GRID2: variants seen among roughly 807,000 people sequenced by gnomAD.
GRID2 encodes glutamate ionotropic receptor delta type subunit 2.
A neutral mutation model predicts 114.8 loss-of-function variants in GRID2; 33 were observed. The observed-to-expected ratio is 0.29, with a 90% confidence interval of 0.22 to 0.38. The LOEUF is 0.38. Ranked by LOEUF, GRID2 falls within the 10% of genes least tolerant of loss-of-function variation. GRID2 has a pLI of 1.00. For missense variants in GRID2, 1,184 were observed against 1,257.7 expected (o/e 0.94, Z 0.89); for synonymous variants, 505 against 449.9 (o/e 1.12, Z -1.55).
chr4:92,524,291 C>A (rs1724928591), intron 1 of GRID2, among the ~76,000 whole-genome samples: 1 of 151,652 alleles, frequency 6.6e-6, no homozygotes, highest in Non-Finnish European at 1.5e-5. Context: ...ATGACTTTAA[C>A]AAACACTGCT....
At chr4:93,452,667 A>G (rs937032158) in intron 10 of GRID2, among the ~76,000 whole-genome samples, 2 of 152,108 alleles carry the variant, frequency 1.3e-5, no homozygotes, top group Admixed American at 1.3e-4. Context: ...GAACACAGAA[A>G]TAAGTATGAT....
intron 2 of GRID2, among the ~76,000 whole-genome samples, chr4:92,934,665 G>A (rs1208384621): frequency 6.8e-6 from 1 of 146,596 alleles, no homozygotes; most frequent in East Asian, 2.2e-4. Flanking sequence ...AACCAAAACA[G>A]CATGGTACTG....
At chr4:93,182,963 C>T (rs1740038060) in intron 4 of GRID2, among the ~76,000 whole-genome samples, 2 of 152,236 alleles carry the variant, frequency 1.3e-5, no homozygotes, top group Admixed American at 6.5e-5. Flanking sequence ...TTTGCGAAGC[C>T]CCGCAGGTGT....
chr4:92,557,980 T>A (rs533843331), intron 1 of GRID2, among the ~76,000 whole-genome samples: 2 of 152,268 alleles, frequency 1.3e-5, no homozygotes, highest in South Asian at 4.1e-4. Context: ...TGGTCTAGAT[T>A]TTGTCATCAC....
intron 8 of GRID2, among the ~76,000 whole-genome samples, chr4:93,363,213 T>G (rs1427075728): frequency 6.6e-6 from 1 of 152,120 alleles, no homozygotes; most frequent in East Asian, 1.9e-4. Context: ...TGAGACCCTG[T>G]CTCAAACAAA....
At chr4:93,457,617 G>C (rs1282177062) in intron 11 of GRID2, among the ~76,000 whole-genome samples, 1 of 152,158 alleles carries the variant, frequency 6.6e-6, no homozygotes, top group Non-Finnish European at 1.5e-5. Context: ...GCAAAGAGTT[G>C]ATGTGGCTTG....
At chr4:93,300,236 C>A (rs1754723382) in intron 8 of GRID2, among the ~76,000 whole-genome samples, 1 of 152,050 alleles carries the variant, frequency 6.6e-6, no homozygotes, top group Admixed American at 6.6e-5. Context: ...ACTCCCATGC[C>A]TGGCATATTT....
intron 2 of GRID2, among the ~76,000 whole-genome samples, chr4:93,051,417 G>A (rs1431830616): frequency 6.6e-6 from 1 of 151,994 alleles, no homozygotes; most frequent in Non-Finnish European, 1.5e-5. Context: ...AGGCAAAGAT[G>A]GTAGCATTCT....
chr4:93,765,609 T>TATATATATATATATATATATATGAGGC (rs1733596376), intron 14 of GRID2, among the ~76,000 whole-genome samples: 46 of 51,258 alleles, frequency 9.0e-4, no homozygotes, highest in African/African-American at 5.8e-3. Flanking sequence ...GGTGAGGTAT[T>TATATATATATATATATATATATGAGGC]ATATATATAT....
At chr4:92,762,551 A>G (rs1435918267) in intron 2 of GRID2, among the ~76,000 whole-genome samples, 3 of 152,168 alleles carry the variant, frequency 2.0e-5, no homozygotes. Context: ...TAGTCAGAGT[A>G]TATATTTCTA....
At chr4:92,490,005 C>T (rs1723078901) in intron 1 of GRID2, among the ~76,000 whole-genome samples, 2 of 151,902 alleles carry the variant, frequency 1.3e-5, no homozygotes, top group Admixed American at 1.3e-4. Flanking sequence ...AATATGTTTC[C>T]TTAAAATCAA....
rs1723491774 is a variant in GRID2 at position 93,022,659 on chromosome 4, C to G, written c.245-62336C>G. Among the ~76,000 whole-genome samples the G allele has an allele frequency of 2.0e-5, 3 of 152,034 alleles. No individual in the cohort carries two copies. The South Asian group carries it at 6.2e-4, about 32-fold the overall frequency. Reference sequence around the variant, plus strand: ...AATTGCATCTTAATTTACCCTTTGTCAACATAATAGATTTTAAAATTTTAA... The same window carrying G: ...AATTGCATCTTAATTTACCCTTTGTGAACATAATAGATTTTAAAATTTTAA... On this transcript the variant is annotated intron_variant, in intron 2 of 15. Coordinates refer to ENST00000282020, the MANE Select transcript of GRID2 (RefSeq NM_001510.4).
intron 13 of GRID2, among the ~76,000 whole-genome samples, chr4:93,613,849 G>A (rs1741267266): frequency 6.6e-6 from 1 of 151,872 alleles, no homozygotes; most frequent in African/African-American, 2.4e-5. Context: ...CCCAGTTCGA[G>A]CTTCCAGGCT....
intron 2 of GRID2, among the ~76,000 whole-genome samples, chr4:92,869,251 G>A (rs143729452): frequency 3.7e-4 from 56 of 152,182 alleles, no homozygotes; most frequent in African/African-American, 1.0e-3. Flanking sequence ...GCAATATAAC[G>A]AGTGATTAAT....
At chr4:93,166,587 A>ACTAT (rs1296219418) in intron 4 of GRID2, among the ~76,000 whole-genome samples, 2 of 152,176 alleles carry the variant, frequency 1.3e-5, no homozygotes, top group Non-Finnish European at 2.9e-5. Flanking sequence ...AAACTATAGA[A>ACTAT]CTATCTGGAG....
intron 2 of GRID2, among the ~76,000 whole-genome samples, chr4:92,754,062 T>A (rs193076647): frequency 6.6e-6 from 1 of 152,296 alleles, no homozygotes; most frequent in African/African-American, 2.4e-5. Context: ...TGCTAATGCA[T>A]AACCTGTCAC....
chr4:92,377,826 T>C (rs1349364555), intron 1 of GRID2, among the ~76,000 whole-genome samples: 1 of 152,006 alleles, frequency 6.6e-6, no homozygotes. Flanking sequence ...ATTACAAGAA[T>C]AGCATGGGAA....
chr4:93,782,995 G>A (rs927830913), intron 1 of GRID2, among the ~76,000 whole-genome samples: 1 of 151,968 alleles, frequency 6.6e-6, no homozygotes, highest in Admixed American at 6.6e-5. Flanking sequence ...TCAACACAAT[G>A]TAAGACTTTC....
At chr4:92,557,061 A>G (rs1560709822) in intron 1 of GRID2, among the ~76,000 whole-genome samples, 1 of 152,212 alleles carries the variant, frequency 6.6e-6, no homozygotes, top group Non-Finnish European at 1.5e-5. Flanking sequence ...TTTTAATTTT[A>G]TAAGGAGAAA....
Sources: gnomAD v4.1 joint callset for allele counts (sites outside exome capture counted in the v4.1 genomes callset) on GRCh38, gnomAD v4.1.1 for gene constraint, MANE v1.5 for transcripts, NCBI Gene and HGNC (gene_info 2026-07-23, HGNC 2026-07-21) for gene names.